Variants in PRKCA observed in about 807,000 individuals in gnomAD.
The protein encoded by PRKCA is protein kinase C alpha type.
A neutral mutation model predicts 87.0 loss-of-function variants in PRKCA; 27 were observed. That is an observed-to-expected ratio of 0.31 (90% CI 0.23 to 0.43). The LOEUF is 0.43. PRKCA is among the 20% of genes least tolerant of loss of function. PRKCA has a pLI of 1.00. For synonymous variants in PRKCA, 329 were observed against 311.1 expected, an observed-to-expected ratio of 1.06 and a Z score of -0.61; for missense variants, 518 against 852.3, an observed-to-expected ratio of 0.61 and a Z score of 4.88.
intron 5 of PRKCA, among the ~76,000 whole-genome samples, chr17:66,674,305 T>C (rs1972268174): frequency 6.6e-6 from 1 of 151,714 alleles, no homozygotes; most frequent in Non-Finnish European, 1.5e-5. Flanking sequence ...GATGGAGGAG[T>C]GTCCCCAGCG....
chr17:66,675,755 C>T (rs529970542), intron 5 of PRKCA, among the ~76,000 whole-genome samples: 2 of 152,286 alleles, frequency 1.3e-5, no homozygotes, highest in South Asian at 2.1e-4. Context: ...CCCTCTCCTG[C>T]GGCCACCGGA....
intron 3 of PRKCA, among the ~76,000 whole-genome samples, chr17:66,560,605 T>C (rs1431380982): frequency 1.3e-5 from 2 of 152,186 alleles, no homozygotes; most frequent in Non-Finnish European, 2.9e-5. Context: ...GTGGCCTCCA[T>C]CTGATCACAC....
At chr17:66,496,135 T>C (rs973653937) in intron 2 of PRKCA, 66 bp from the exon 3 acceptor site, 23 of 1,285,254 alleles carry the variant, frequency 1.8e-5, no homozygotes, top group Non-Finnish European at 2.6e-5. Context: ...GTATCTCTGT[T>C]TGGAAAATAA....
intron 13 of PRKCA, among the ~76,000 whole-genome samples, chr17:66,755,601 C>A (rs564667801): frequency 6.6e-6 from 1 of 152,306 alleles, no homozygotes; most frequent in African/African-American, 2.4e-5. Context: ...GTTTGCTGAG[C>A]ACCCAGGGCT....
intron 2 of PRKCA, among the ~76,000 whole-genome samples, chr17:66,425,946 C>T (rs1477368706): frequency 6.6e-6 from 1 of 152,134 alleles, no homozygotes; most frequent in Non-Finnish European, 1.5e-5. Flanking sequence ...GAATTACCCT[C>T]CGTGACCATG....
intron 4 of PRKCA, among the ~76,000 whole-genome samples, chr17:66,642,908 T>G (rs1469537576): frequency 6.6e-6 from 1 of 152,068 alleles, no homozygotes; most frequent in Non-Finnish European, 1.5e-5. Context: ...CTGGTGGTGG[T>G]GGTCTCCTGT....
At position 66,807,666 on chromosome 17, in the gene PRKCA, T is replaced by G. The variant is rs558243126; in HGVS notation, c.*3629T>G. 22 of 152,328 alleles carry G rather than the reference T, an allele frequency of 1.4e-4. No individual in the cohort carries two copies. Among genetic ancestry groups the G allele is most frequent in the African/African-American group, 4.8e-4 (20 of 41,552 alleles). The allele number at this position is 152,328 out of a possible 1,614,324, so 9.4% of individuals were successfully genotyped here. ...GATAGAAAACCATGGGGCCAAGAGC[T>G]CTGGAAGCCTGGCCGGAAAGACCAA... On this transcript the variant is annotated 3_prime_UTR_variant, in exon 17 of 17. Transcript: ENST00000413366. The surrounding 1 kb of genome is among the most constrained non-coding windows in gnomAD (Gnocchi z 4.3).
At chr17:66,374,521 CCAT>C (rs1219498805) in intron 2 of PRKCA, among the ~76,000 whole-genome samples, 35 of 152,232 alleles carry the variant, frequency 2.3e-4, no homozygotes, top group African/African-American at 7.7e-4. Context: ...TATCTGATTT[CCAT>C]CATCCTCCAT....
intron 12 of PRKCA, 57 bp from the exon 13 acceptor site, chr17:66,742,565 A>G (rs1974180837): frequency 1.3e-6 from 2 of 1,588,048 alleles, no homozygotes; most frequent in Non-Finnish European, 1.7e-6. Flanking sequence ...CACCAGTTCC[A>G]AAGCAAACCA....
intron 5 of PRKCA, among the ~76,000 whole-genome samples, chr17:66,653,951 G>C (rs1846985803): frequency 6.6e-6 from 1 of 152,220 alleles, no homozygotes; most frequent in African/African-American, 2.4e-5. Context: ...TGGCTTTGTA[G>C]AAGTTTCATG....
intron 5 of PRKCA, among the ~76,000 whole-genome samples, chr17:66,673,125 C>T (rs1486172552): frequency 1.3e-5 from 2 of 152,136 alleles, no homozygotes; most frequent in Non-Finnish European, 2.9e-5. Context: ...TCTTTTGAAA[C>T]ATCAGAATTA....
At chr17:66,559,215 G>A (rs1039655002) in intron 3 of PRKCA, among the ~76,000 whole-genome samples, 1 of 152,048 alleles carries the variant, frequency 6.6e-6, no homozygotes, top group Non-Finnish European at 1.5e-5. Flanking sequence ...GCTCATGCCT[G>A]TAATCCTAGC....
At chr17:66,658,027 A>G (rs1198904762) in intron 5 of PRKCA, among the ~76,000 whole-genome samples, 2 of 152,174 alleles carry the variant, frequency 1.3e-5, no homozygotes, top group Non-Finnish European at 2.9e-5. Context: ...TAATTTCTAG[A>G]GGAAAGAGGT....
chr17:66,419,192 G>GT lies in PRKCA; in HGVS notation c.206-77007dup, dbSNP rs149958247. On this transcript the variant is annotated intron_variant, in intron 2 of 16. Coordinates refer to ENST00000413366, the MANE Select transcript of PRKCA (RefSeq NM_002737.3). ...CTAGTTCAATGATTAGCACTGAGTG[G>GT]TTGTTAGGCAGTCATGTGCTCAACA... 1.6e-4 allele frequency among the ~76,000 whole-genome samples: 24 copies of GT among 152,274 alleles called. No homozygotes were observed. In the East Asian group the frequency reaches 4.6e-3, roughly 29 times the overall value.
rs762034474 is a variant in PRKCA at position 66,336,606 on chromosome 17, T to TGG, written c.205+30480_205+30481dup. ...CTATTGGCTTAAGTTTTTTTGGTGG[T>TGG]GGTGGGGGAGTAATTTAAAAGTACC... is the stretch of plus-strand genomic sequence containing the variant. On this transcript the variant is annotated intron_variant, in intron 2 of 16. Coordinates refer to ENST00000413366, the MANE Select transcript of PRKCA (RefSeq NM_002737.3). Among the ~76,000 whole-genome samples, 62 of 98,198 alleles carry TGG rather than the reference T, an allele frequency of 6.3e-4. 1 individual carries two copies. The highest frequency in any genetic ancestry group is 1.2e-3 in the Non-Finnish European group (45 of 37,400). 64.4% of individuals were successfully genotyped at this position (98,198 alleles called of 152,430 possible).
At chr17:66,378,260 G>A (rs1567798209) in intron 2 of PRKCA, among the ~76,000 whole-genome samples, 1 of 152,122 alleles carries the variant, frequency 6.6e-6, no homozygotes, top group Non-Finnish European at 1.5e-5. Flanking sequence ...AAGGCAGTGA[G>A]CTGAGATTGG....
intron 2 of PRKCA, among the ~76,000 whole-genome samples, chr17:66,338,711 G>A (rs374414126): frequency 5.3e-5 from 8 of 151,950 alleles, no homozygotes; most frequent in African/African-American, 1.9e-4. Flanking sequence ...GTGGGAGAAG[G>A]GGATGAAAAA....
chr17:66,484,438 A>G (rs1915915348), intron 2 of PRKCA, among the ~76,000 whole-genome samples: 1 of 152,172 alleles, frequency 6.6e-6, no homozygotes, highest in South Asian at 2.1e-4. Flanking sequence ...GAGAAAGGTG[A>G]TTGTTGTCAG....
intron 3 of PRKCA, among the ~76,000 whole-genome samples, chr17:66,624,812 A>AAATG (rs1212446705): frequency 6.6e-6 from 1 of 151,556 alleles, no homozygotes; most frequent in African/African-American, 2.4e-5. Context: ...ATAAATAAAT[A>AAATG]AATAAATAAA....
Sources: allele counts gnomAD v4.1 joint callset (sites outside exome capture counted in the v4.1 genomes callset), GRCh38; gene constraint gnomAD v4.1.1; non-coding constraint Gnocchi (gnomAD v3.1); transcripts MANE v1.5; gene names NCBI Gene and HGNC (gene_info 2026-07-23, HGNC 2026-07-21).